PUS7: variants seen among roughly 807,000 people sequenced by gnomAD.
The protein encoded by PUS7 is pseudouridylate synthase 7 homolog.
PUS7 carries 48 observed loss-of-function variants against 79.8 expected under a neutral mutation model. The ratio of observed to expected loss-of-function variants is 0.60; its 90% CI spans 0.48 to 0.76. PUS7 has a LOEUF of 0.76. PUS7 is among the 30% of genes least tolerant of loss of function. PUS7 has a pLI of 0.00. For synonymous variants in PUS7, 286 were observed against 272.2 expected (o/e 1.05, Z -0.50); for missense variants, 729 against 797.6 (o/e 0.91, Z 1.04).
chr7:105,502,890 G>A (rs1825313167), intron 4 of PUS7, among the ~76,000 whole-genome samples: 1 of 152,046 alleles, frequency 6.6e-6, no homozygotes, highest in Admixed American at 6.6e-5. Flanking sequence ...AGTAGAGATG[G>A]GGTTTCACCA....
chr7:105,491,947 C>A (rs1824798916), intron 6 of PUS7, among the ~76,000 whole-genome samples: 1 of 150,062 alleles, frequency 6.7e-6, no homozygotes, highest in East Asian at 2.0e-4. Context: ...GTCCCAGCTA[C>A]TTGGAAGGCT....
chr7:105,470,525 T>A, intron 11 of PUS7, 163 bp downstream of exon 11: 2 of 695,930 alleles, frequency 2.9e-6, no homozygotes, highest in South Asian at 7.6e-5. Flanking sequence ...ACATCACCAC[T>A]CAGGGTCTGA....
At chr7:105,492,618 G>C (rs1450907019) in intron 6 of PUS7, among the ~76,000 whole-genome samples, 1 of 146,562 alleles carries the variant, frequency 6.8e-6, no homozygotes, top group African/African-American at 2.5e-5. Flanking sequence ...CCATTCTCCT[G>C]CCTCAGCCTC....
In PUS7 at chr7:105,484,600, C is replaced by T. The variant is rs539704828; in HGVS notation, c.921-2160G>A. Among the ~76,000 whole-genome samples, 23 of 151,438 alleles carry T rather than the reference C, an allele frequency of 1.5e-4. No homozygotes were observed. In the South Asian group the frequency reaches 4.6e-3, roughly 30 times the overall value. On this transcript the variant is annotated intron_variant, in intron 7 of 15. Coordinates refer to ENST00000469408, the MANE Select transcript of PUS7 (RefSeq NM_019042.5). ...TTGGGAGGCCGAGGCGGGCGGATTA[C>T]CTGAGGTCAGGAATTCGAGACCAGC...
chr7:105,512,280 A>T (rs1386063315), intron 1 of PUS7, among the ~76,000 whole-genome samples: 6 of 152,194 alleles, frequency 3.9e-5, no homozygotes, highest in Non-Finnish European at 8.8e-5. Context: ...TTCAAAGAAA[A>T]AAGCATTTAC....
Position 105,472,208 on chromosome 7 carries a change from C to T in PUS7, c.1176-15G>A. 6.8e-7 allele frequency: 1 copy of T among 1,479,206 alleles called. No individual in the cohort carries two copies. The highest frequency in any genetic ancestry group is 9.4e-7 in the Non-Finnish European group (1 of 1,066,508). 91.6% of individuals were successfully genotyped at this position (1,479,206 alleles called of 1,614,324 possible). On this transcript the variant is annotated splice_polypyrimidine_tract_variant and intron_variant, in intron 9 of 15. Transcript: ENST00000469408. Reference sequence around the variant, plus strand: ...GTAGTATAGCTCTAAAATTAAACAACATTTATTTTACTAAATTTTGCATAA... The same window carrying T: ...GTAGTATAGCTCTAAAATTAAACAATATTTATTTTACTAAATTTTGCATAA...
chr7:105,513,895 T>C (rs1490549252), intron 1 of PUS7, among the ~76,000 whole-genome samples: 1 of 139,582 alleles, frequency 7.2e-6, no homozygotes, highest in African/African-American at 2.6e-5. Context: ...TGTATTGTTG[T>C]TATGTCTGGA....
chr7:105,515,613 C>A (rs977285510), intron 1 of PUS7, among the ~76,000 whole-genome samples: 1 of 151,924 alleles, frequency 6.6e-6, no homozygotes, highest in Non-Finnish European at 1.5e-5. Context: ...TTGTTTAAGT[C>A]AATGGCCCTA....
chr7:105,485,083 A>C (rs957790182), intron 7 of PUS7, among the ~76,000 whole-genome samples: 7 of 151,744 alleles, frequency 4.6e-5, no homozygotes, highest in African/African-American at 1.7e-4. Context: ...GGCTGGTCTC[A>C]AACTCAAGTG....
intron 5 of PUS7, among the ~76,000 whole-genome samples, chr7:105,501,888 G>C (rs1218356418): frequency 6.6e-6 from 1 of 151,186 alleles, no homozygotes; most frequent in African/African-American, 2.4e-5. Flanking sequence ...CCAGGAGGCG[G>C]AGCTTGCAGT....
intron 14 of PUS7, among the ~76,000 whole-genome samples, chr7:105,461,694 C>T (rs1235432347): frequency 6.6e-6 from 1 of 152,094 alleles, no homozygotes; most frequent in Non-Finnish European, 1.5e-5. Context: ...TAACCCTTGT[C>T]AGGCATTTCA....
At chr7:105,495,120 A>T in intron 6 of PUS7, 22 bp downstream of exon 6, 1 of 1,359,006 alleles carries the variant, frequency 7.4e-7, no homozygotes, top group Non-Finnish European at 1.0e-6. Flanking sequence ...GATTTTGTAT[A>T]GGCATAACAA....
intron 6 of PUS7, among the ~76,000 whole-genome samples, chr7:105,494,850 C>T (rs1465107282): frequency 1.3e-5 from 2 of 151,760 alleles, no homozygotes; most frequent in Non-Finnish European, 2.9e-5. Context: ...GTGGCATACG[C>T]CTGTAATCCC....
chr7:105,502,582 T>C lies in PUS7; in HGVS notation c.586-18A>G. 1.2e-6 allele frequency: 2 copies of C among 1,611,700 alleles called. No homozygotes were observed. Among genetic ancestry groups the C allele is most frequent in the Non-Finnish European group, 1.7e-6 (2 of 1,178,652 alleles). ...TCGATAACCTATTAAAAAAAACAGA[T>C]AGCAATACCACCAAGTTAACAAACA... On this transcript the variant is annotated intron_variant, in intron 4 of 15. Transcript: ENST00000469408.
chr7:105,460,898 C>T (rs1043706325), intron 14 of PUS7, among the ~76,000 whole-genome samples: 2 of 148,168 alleles, frequency 1.3e-5, no homozygotes, highest in South Asian at 2.2e-4. Context: ...GACAGGGTTT[C>T]GTTTTGTCAC....
intron 2 of PUS7, among the ~76,000 whole-genome samples, chr7:105,506,481 G>A (rs1429955540): frequency 4.0e-5 from 6 of 150,104 alleles, no homozygotes; most frequent in African/African-American, 9.8e-5. Flanking sequence ...GGAGTGCAGT[G>A]GCTCGATCTC....
chr7:105,494,991 AAG>A (rs1824949974), intron 6 of PUS7, 149 bp downstream of exon 6: 21 of 468,548 alleles, frequency 4.5e-5, no homozygotes, highest in South Asian at 9.6e-5. Flanking sequence ...AAAAAAAAAA[AAG>A]AAAGAAAGAA....
chr7:105,480,902 G>T, intron 9 of PUS7, 150 bp downstream of exon 9: 1 of 853,806 alleles, frequency 1.2e-6, no homozygotes, highest in Non-Finnish European at 1.7e-6. Context: ...TTTACCCTGT[G>T]CACTCATTAA....
chr7:105,462,643 T>A lies in PUS7; in HGVS notation c.1735A>T (p.Ile579Phe). The change falls in exon 14 of 16, where the codon ATT becomes TTT. Residue 579 changes from isoleucine to phenylalanine, a missense_variant. Ile to Phe is a conservative substitution (Grantham distance 21). Transcript: ENST00000469408. ...SLSGAYRKII[I>F]RPQNVSWEVV... ...CACCAGCTAACATTCTGAGGACGAA[T>A]AATGATCTTTCGGTAGGCCCCTGAC... 2 of 1,613,892 alleles carry A rather than the reference T, an allele frequency of 1.2e-6. No homozygotes were observed. The highest frequency in any genetic ancestry group is 1.1e-5 in the South Asian group (1 of 91,054).
Sources: allele counts gnomAD v4.1 joint callset (sites outside exome capture counted in the v4.1 genomes callset), GRCh38; gene constraint gnomAD v4.1.1; transcripts MANE v1.5; gene names NCBI Gene and HGNC (gene_info 2026-07-23, HGNC 2026-07-21).